The following ITGA11 variants were observed in gnomAD, a reference collection of about 807,000 sequenced individuals.
The protein encoded by ITGA11 is integrin alpha-11.
A neutral mutation model predicts 141.9 loss-of-function variants in ITGA11; 97 were observed. The ratio of observed to expected loss-of-function variants is 0.68; its 90% CI spans 0.58 to 0.81. The LOEUF is 0.81. Ranked by LOEUF, ITGA11 falls within the 30% of genes least tolerant of loss-of-function variation. ITGA11 has a pLI of 0.00. For missense variants in ITGA11, 1,387 were observed against 1,559.2 expected (o/e 0.89, Z 1.86); for synonymous variants, 658 against 624.6 (o/e 1.05, Z -0.80).
At chr15:68,408,473 C>G (rs1896697081) in intron 1 of ITGA11, among the ~76,000 whole-genome samples, 1 of 152,146 alleles carries the variant, frequency 6.6e-6, no homozygotes, top group Non-Finnish European at 1.5e-5. Flanking sequence ...GGGTCTAGCA[C>G]TTAGCACAGG....
intron 23 of ITGA11, 142 bp from the exon 24 acceptor site, chr15:68,313,005 T>C: frequency 1.6e-6 from 1 of 620,332 alleles, no homozygotes; most frequent in Non-Finnish European, 2.9e-6. Context: ...TGGGAGTGAG[T>C]GTCATGTTGG....
intron 1 of ITGA11, among the ~76,000 whole-genome samples, chr15:68,427,526 G>A (rs1595903440): frequency 6.6e-6 from 1 of 152,146 alleles, no homozygotes. Flanking sequence ...GGAAGTGAGA[G>A]GCAGCAGGGA....
At chr15:68,318,722 A>T (rs1893684082) in intron 20 of ITGA11, among the ~76,000 whole-genome samples, 1 of 151,832 alleles carries the variant, frequency 6.6e-6, no homozygotes, top group Non-Finnish European at 1.5e-5. Context: ...TGTGTGTGGC[A>T]AGCAAGGGGG....
chr15:68,369,589 C>T (rs781051641), intron 2 of ITGA11, among the ~76,000 whole-genome samples: 20 of 152,164 alleles, frequency 1.3e-4, no homozygotes, highest in Non-Finnish European at 2.4e-4. Flanking sequence ...GAGGAGGGGG[C>T]GATGTTTGAG....
intron 2 of ITGA11, among the ~76,000 whole-genome samples, chr15:68,394,682 C>T (rs1410228724): frequency 6.6e-6 from 1 of 151,778 alleles, no homozygotes; most frequent in African/African-American, 2.4e-5. Context: ...TTAATATGCC[C>T]ATAGCAAGAC....
At chr15:68,387,830 C>T (rs1488639129) in intron 2 of ITGA11, among the ~76,000 whole-genome samples, 1 of 152,134 alleles carries the variant, frequency 6.6e-6, no homozygotes, top group Non-Finnish European at 1.5e-5. Context: ...CTCTCCTCTT[C>T]TGCCCCCGGA....
At position 68,308,004 on chromosome 15, in the gene ITGA11, A is replaced by G. The variant is rs1483711900; in HGVS notation, c.3175-308T>C. Among the ~76,000 whole-genome samples, 1 of 152,222 alleles carries G rather than the reference A, an allele frequency of 6.6e-6. No homozygotes were observed. The highest frequency in any genetic ancestry group is 1.5e-5 in the Non-Finnish European group (1 of 68,044). On this transcript the variant is annotated intron_variant, in intron 26 of 29. Transcript: ENST00000315757. This position sits in a 1 kb window ranked among gnomAD's most constrained non-coding sequence, Gnocchi z 5.2. ...ATGTTTCCTATCACCATATAAACAC[A>G]TTAAGATAAAAAATTCTATGATCGC...
intron 4 of ITGA11, among the ~76,000 whole-genome samples, chr15:68,363,584 T>C (rs76378041): frequency 0.027 from 4,058 of 152,290 alleles, 203 homozygotes; most frequent in African/African-American, 0.092. Context: ...ATGCCCCAGA[T>C]GTCTCATTTG....
chr15:68,421,402 G>A lies in ITGA11; in HGVS notation c.52+10613C>T, dbSNP rs534030805. Among the ~76,000 whole-genome samples, 476 of 152,306 alleles carry A rather than the reference G, an allele frequency of 3.1e-3. 12 individuals are homozygous for A. The highest frequency in any genetic ancestry group is 5.7e-4 in the Non-Finnish European group (39 of 68,026). On this transcript the variant is annotated intron_variant, in intron 1 of 29. Coordinates refer to ENST00000315757, the MANE Select transcript of ITGA11 (RefSeq NM_001004439.2). ...GAAATGCAGGAGAGCCAGATCACACGGGACCTCTTACTCAGAGTAAGCGGG... is the reference window on the plus strand; with the variant it reads ...GAAATGCAGGAGAGCCAGATCACACAGGACCTCTTACTCAGAGTAAGCGGG...
intron 1 of ITGA11, among the ~76,000 whole-genome samples, chr15:68,429,130 A>G (rs75319352): frequency 6.6e-6 from 1 of 152,204 alleles, no homozygotes; most frequent in South Asian, 2.1e-4. Context: ...TGCTTAATAC[A>G]TGCCTGGCAC....
chr15:68,332,705 A>G (rs530817033), intron 12 of ITGA11, among the ~76,000 whole-genome samples: 29 of 152,058 alleles, frequency 1.9e-4, no homozygotes, highest in African/African-American at 6.8e-4. Context: ...TTCTGTCATT[A>G]TCCCCTCGCC....
At chr15:68,372,939 T>C (rs963478790) in intron 2 of ITGA11, among the ~76,000 whole-genome samples, 6 of 152,250 alleles carry the variant, frequency 3.9e-5, no homozygotes, top group Admixed American at 1.3e-4. Flanking sequence ...TGTAAGTGTA[T>C]ATGTAAATTA....
At position 68,394,825 on chromosome 15, in the gene ITGA11, T is replaced by C. The variant is rs79120459; in HGVS notation, c.164+8093A>G. On this transcript the variant is annotated intron_variant, in intron 2 of 29. Transcript: ENST00000315757. Reference sequence around the variant, plus strand: ...TTGTGGATAAAATTTGAATGAAATGTACAAATTACTTGAAAAACCCAAGTT... The same window carrying C: ...TTGTGGATAAAATTTGAATGAAATGCACAAATTACTTGAAAAACCCAAGTT... Among the ~76,000 whole-genome samples the C allele has an allele frequency of 1.1e-3, 174 of 152,274 alleles. 1 individual carries two copies. The highest frequency in any genetic ancestry group is 4.1e-3 in the African/African-American group (170 of 41,554).
chr15:68,375,254 TC>T lies in ITGA11; in HGVS notation c.165-5971del, dbSNP rs144586209. 2.6e-3 allele frequency among the ~76,000 whole-genome samples: 398 copies of T among 152,322 alleles called. 3 individuals are homozygous for T. Among genetic ancestry groups the T allele is most frequent in the African/African-American group, 9.3e-3 (386 of 41,572 alleles). On this transcript the variant is annotated intron_variant, in intron 2 of 29. Transcript: ENST00000315757. The stretch of plus-strand genomic sequence containing the variant: ...CCCTTTGTCTCTTTTTTCTCCTGGC[TC>T]CATTTTCCTTTTCTGAAATCAGATA...
At chr15:68,319,496 G>C (rs977278706) in intron 20 of ITGA11, among the ~76,000 whole-genome samples, 1 of 152,222 alleles carries the variant, frequency 6.6e-6, no homozygotes, top group Non-Finnish European at 1.5e-5. Context: ...GTGGCCCGTG[G>C]CACAGTTAGA....
In ITGA11 at chr15:68,312,967, CGAAA is replaced by C. The variant is rs1360882800; in HGVS notation, c.2883-108_2883-105del. 6 of 761,204 alleles carry C rather than the reference CGAAA, an allele frequency of 7.9e-6. No individual in the cohort carries two copies. The African/African-American group carries it at 8.6e-5, about 11-fold the overall frequency. The allele number at this position is 761,204 out of a possible 1,614,324, so 47.2% of individuals were successfully genotyped here. A position where few individuals can be genotyped will look rare whatever the true frequency, so the allele number is the denominator to read the frequency against. On this transcript the variant is annotated intron_variant, in intron 23 of 29. Coordinates refer to ENST00000315757, the MANE Select transcript of ITGA11 (RefSeq NM_001004439.2). ...GCATGTGCCGGCCTCCCCCGGGCCA[CGAAA>C]AACAGGTTCCCGCTTGTGTCGGCTG...
In ITGA11 at chr15:68,332,424, C is replaced by T. The variant is rs201176891; in HGVS notation, c.1480G>A (p.Val494Met). 35 of 1,610,948 alleles carry T rather than the reference C, an allele frequency of 2.2e-5. No individual in the cohort carries two copies. The highest frequency in any genetic ancestry group is 1.5e-4 in the African/African-American group (11 of 74,986). The change falls in exon 13 of 30, where the codon GTG becomes ATG. Residue 494 changes from valine to methionine, a missense_variant. Transcript: ENST00000315757. ...GCGCCCACCAGCAGGACATCAGTCA[C>T]GCCGTCGCCGTCGATGTCCACCGAG... ...ITSVDIDGDG[V>M]TDVLLVGAPM...
In ITGA11 at chr15:68,303,914, G is replaced by T; in HGVS notation, c.3382-29C>A. On this transcript the variant is annotated intron_variant, in intron 28 of 29. Coordinates refer to ENST00000315757, the MANE Select transcript of ITGA11 (RefSeq NM_001004439.2). This position sits in a 1 kb window ranked among gnomAD's most constrained non-coding sequence, Gnocchi z 5.3. ...CAAGGGGAGGGGGGCCGGGCCAACA[G>T]CATTACTCTTCTGGGGCTGGGGTGG... 1 of 1,477,924 alleles carries T rather than the reference G, an allele frequency of 6.8e-7. No homozygotes were observed. Among genetic ancestry groups the T allele is most frequent in the Non-Finnish European group, 9.5e-7 (1 of 1,058,080 alleles). The allele number at this position is 1,477,924 out of a possible 1,614,324, so 91.6% of individuals were successfully genotyped here. A position where few individuals can be genotyped will look rare whatever the true frequency, so the allele number is the denominator to read the frequency against.
At chr15:68,381,203 G>A (rs1013017422) in intron 2 of ITGA11, among the ~76,000 whole-genome samples, 2 of 152,172 alleles carry the variant, frequency 1.3e-5, no homozygotes, top group Admixed American at 1.3e-4. Flanking sequence ...CCTCTAGAGG[G>A]TCTGTCTTTG....
Sources: allele counts gnomAD v4.1 joint callset (sites outside exome capture counted in the v4.1 genomes callset), GRCh38; gene constraint gnomAD v4.1.1; non-coding constraint Gnocchi (gnomAD v3.1); transcripts MANE v1.5; gene names NCBI Gene and HGNC (gene_info 2026-07-23, HGNC 2026-07-21).